Variants in GPR107 observed in about 807,000 individuals in gnomAD.
The protein encoded by GPR107 is G protein-coupled receptor 107.
A neutral mutation model predicts 75.5 loss-of-function variants in GPR107; 31 were observed. That is an observed-to-expected ratio of 0.41 (90% CI 0.31 to 0.55). The LOEUF (loss-of-function observed/expected upper bound fraction) is 0.55. Among genes scored for constraint, GPR107 ranks in the 20% least tolerant of loss-of-function variants. The pLI, the probability that GPR107 is intolerant of heterozygous loss-of-function variation, is 0.26. For synonymous variants in GPR107, 267 were observed against 251.3 expected, an observed-to-expected ratio of 1.06 and a Z score of -0.59; for missense variants, 572 against 665.7, an observed-to-expected ratio of 0.86 and a Z score of 1.55.
Position 130,104,427 on chromosome 9 carries a change from C to A in GPR107, c.1139C>A (p.Ala380Glu). Residue 380 changes from alanine (A) to glutamate (E), a missense_variant, in exon 13 of 18, where the codon GCA (alanine) becomes GAA (glutamate). Physicochemically the swap from Ala to Glu is moderately radical, Grantham distance 107 (BLOSUM62 -1). Transcript: ENST00000347136. Reference protein sequence around the residue: ...FMIVIPLQVLANVAYIIIEST... With the variant: ...FMIVIPLQVLENVAYIIIEST... ...AACTTCTCATGTCTGTAGGTCCTGG[C>A]AAATGTAGCCTACATCATCATAGAG... The A allele has an allele frequency of 1.2e-6, 2 of 1,613,672 alleles. No homozygotes were observed. The highest frequency in any genetic ancestry group is 1.7e-6 in the Non-Finnish European group (2 of 1,179,616).
chr9:130,066,935 G>T (rs1315970879), intron 1 of GPR107, among the ~76,000 whole-genome samples: 1 of 151,796 alleles, frequency 6.6e-6, no homozygotes, highest in African/African-American at 2.4e-5. Flanking sequence ...GCAGTGAGCC[G>T]AGATGGCGCC....
At chr9:130,061,579 C>T (rs1471467713) in intron 1 of GPR107, among the ~76,000 whole-genome samples, 1 of 152,124 alleles carries the variant, frequency 6.6e-6, no homozygotes. Context: ...GAGGAACCTG[C>T]CCTGGTTTTT....
At chr9:130,099,202 C>T (rs1830952401) in intron 9 of GPR107, among the ~76,000 whole-genome samples, 1 of 151,992 alleles carries the variant, frequency 6.6e-6, no homozygotes, top group African/African-American at 2.4e-5. Context: ...AGCCATCCTC[C>T]CACCTCAGCT....
rs59172645 is a variant in GPR107 at position 130,094,324 on chromosome 9, G to C, written c.863+1943G>C. 1.3e-5 allele frequency among the ~76,000 whole-genome samples: 2 copies of C among 152,220 alleles called. 1 individual carries two copies. The highest frequency in any genetic ancestry group is 4.1e-4 in the South Asian group (2 of 4,820). On this transcript the variant is annotated intron_variant, in intron 9 of 17. Coordinates refer to ENST00000347136, the MANE Select transcript of GPR107 (RefSeq NM_020960.5). Reference sequence around the variant, plus strand: ...CTGGGCGTGGTGGCAGGTGCCTATAGTCCCAGCTACTCAGGAGGCTGAAGC... The same window carrying C: ...CTGGGCGTGGTGGCAGGTGCCTATACTCCCAGCTACTCAGGAGGCTGAAGC...
intron 17 of GPR107, among the ~76,000 whole-genome samples, chr9:130,134,361 C>G (rs560195561): frequency 7.2e-5 from 11 of 152,342 alleles, no homozygotes; most frequent in African/African-American, 2.2e-4. Flanking sequence ...CATTTTTAAT[C>G]CTTGATTTCA....
intron 1 of GPR107, among the ~76,000 whole-genome samples, chr9:130,059,997 C>G (rs1829888333): frequency 6.6e-6 from 1 of 151,906 alleles, no homozygotes; most frequent in African/African-American, 2.4e-5. Context: ...GCCTTGGCCT[C>G]CCAAAGTGAT....
intron 9 of GPR107, 138 bp from the exon 10 acceptor site, chr9:130,099,314 CAAAAA>C (rs113082720): frequency 5.4e-5 from 27 of 497,552 alleles, no homozygotes; most frequent in African/African-American, 1.1e-4. Flanking sequence ...GACCCTGTCT[CAAAAA>C]AAAAAAAAAG....
At chr9:130,071,035 C>CTTTTTTTTTTTTTTTTTT (rs56799662) in intron 1 of GPR107, among the ~76,000 whole-genome samples, 29 of 98,186 alleles carry the variant, frequency 3.0e-4, no homozygotes, top group Non-Finnish European at 3.8e-4. Context: ...TTTTTTTTTT[C>CTTTTTTTTTTTTTTTTTT]TTTTTTTTTT....
intron 12 of GPR107, among the ~76,000 whole-genome samples, chr9:130,102,662 A>G (rs1358430700): frequency 2.0e-5 from 3 of 152,166 alleles, no homozygotes; most frequent in Non-Finnish European, 4.4e-5. Flanking sequence ...GTCCCTGCAA[A>G]ATGGTGTTTC....
intron 2 of GPR107, among the ~76,000 whole-genome samples, chr9:130,075,997 G>A (rs998120667): frequency 1.3e-5 from 2 of 151,974 alleles, no homozygotes; most frequent in African/African-American, 4.8e-5. Flanking sequence ...GGCCAGGCTG[G>A]TCTTGAATTC....
intron 1 of GPR107, among the ~76,000 whole-genome samples, chr9:130,064,185 CTTTTTTTTTTTTT>C (rs1045833413): frequency 2.4e-5 from 2 of 82,590 alleles, no homozygotes; most frequent in Admixed American, 3.6e-4. Flanking sequence ...AATAGCTTTT[CTTTTTTTTTTTTT>C]TTTTTTTTTT....
rs375779316 is a variant in GPR107, at chr9:130,118,710, G to A, written c.1307-6205G>A. ...CAGAGGTTTCAGCATCTTCATAGCC[G>A]GGCCTGATTCCCTAAGATGGGCAGG... is the stretch of plus-strand genomic sequence containing the variant. On this transcript the variant is annotated intron_variant, in intron 14 of 17. Coordinates refer to ENST00000347136, the MANE Select transcript of GPR107 (RefSeq NM_020960.5). Among the ~76,000 whole-genome samples, 13 of 151,674 alleles carry A rather than the reference G, an allele frequency of 8.6e-5. No individual in the cohort carries two copies. The South Asian group carries it at 1.3e-3, about 15-fold the overall frequency.
Position 130,139,799 on chromosome 9 carries a change from G to A in GPR107, c.*4678G>A, listed in dbSNP as rs1232014064. On this transcript the variant is annotated 3_prime_UTR_variant, in exon 18 of 18. Transcript: ENST00000347136. ...TCCAGAAGGTCAGCCTTTGGAGCAC[G>A]TAAGATACTGTTACAGGGTCCAGAA... The A allele has an allele frequency of 2.6e-5, 4 of 152,246 alleles. No individual in the cohort carries two copies. The highest frequency in any genetic ancestry group is 7.2e-5 in the African/African-American group (3 of 41,454). The allele number at this position is 152,246 out of a possible 1,614,324, so 9.4% of individuals were successfully genotyped here. A position where few individuals can be genotyped will look rare whatever the true frequency, so the allele number is the denominator to read the frequency against.
chr9:130,125,069 G>A (rs1383865067), intron 15 of GPR107, 105 bp downstream of exon 15: 1 of 522,426 alleles, frequency 1.9e-6, no homozygotes, highest in Non-Finnish European at 3.3e-6. Flanking sequence ...TGTGCCACCT[G>A]GAGCTGAGCA....
intron 17 of GPR107, among the ~76,000 whole-genome samples, chr9:130,133,427 G>A (rs762860820): frequency 1.3e-5 from 2 of 152,220 alleles, no homozygotes; most frequent in Admixed American, 6.5e-5. Flanking sequence ...TTACTGGAGT[G>A]TTTCTGGAAG....
intron 1 of GPR107, among the ~76,000 whole-genome samples, chr9:130,066,812 C>G (rs550378069): frequency 4.1e-4 from 62 of 152,156 alleles, no homozygotes; most frequent in African/African-American, 1.5e-3. Context: ...GATGAAACCC[C>G]GTCTCTACTA....
intron 17 of GPR107, among the ~76,000 whole-genome samples, chr9:130,131,274 G>T (rs993791107): frequency 4.6e-5 from 7 of 152,104 alleles, no homozygotes; most frequent in Admixed American, 1.3e-4. Flanking sequence ...GTCTGCAGGG[G>T]GCTAGCCAGG....
At chr9:130,127,622 G>T (rs1831719296) in intron 16 of GPR107, 56 bp downstream of exon 16, 2 of 910,764 alleles carry the variant, frequency 2.2e-6, no homozygotes, top group East Asian at 4.8e-5. Context: ...ATAAAGTCTT[G>T]AAGTGTAACT....
chr9:130,119,361 G>C (rs1342279860), intron 14 of GPR107, among the ~76,000 whole-genome samples: 1 of 152,200 alleles, frequency 6.6e-6, no homozygotes, highest in Non-Finnish European at 1.5e-5. Flanking sequence ...CACAGTATAT[G>C]CTACATTTGG....
Sources: gnomAD v4.1 joint callset for allele counts (sites outside exome capture counted in the v4.1 genomes callset) on GRCh38, gnomAD v4.1.1 for gene constraint, MANE v1.5 for transcripts, NCBI Gene and HGNC (gene_info 2026-07-23, HGNC 2026-07-21) for gene names.